PXDNL: variants seen among roughly 807,000 people sequenced by gnomAD.
PXDNL encodes peroxidasin like.
Under a neutral mutation model 150.8 loss-of-function variants are expected in PXDNL, and 145 were observed. The ratio of observed to expected loss-of-function variants is 0.96; its 90% confidence interval spans 0.84 to 1.10. The LOEUF (loss-of-function observed/expected upper bound fraction) is 1.10, where lower values mean the gene tolerates loss of function less well. PXDNL is among the 50% of genes least tolerant of loss of function. PXDNL has a pLI of 0.00. For synonymous variants in PXDNL, 757 were observed against 725.7 expected (o/e 1.04, Z -0.69); for missense variants, 2,087 against 1,873.9 (o/e 1.11, Z -2.10).
intron 2 of PXDNL, among the ~76,000 whole-genome samples, chr8:51,618,445 C>T (rs146014841): frequency 1.8e-3 from 274 of 152,318 alleles, no homozygotes; most frequent in African/African-American, 6.2e-3. Flanking sequence ...TAATAATCCT[C>T]CAGTAAACTT....
chr8:51,524,666 CAATT>C (rs1811731933), intron 4 of PXDNL, among the ~76,000 whole-genome samples: 1 of 151,622 alleles, frequency 6.6e-6, no homozygotes. Flanking sequence ...AAGTACTTCT[CAATT>C]AATTTTTTAC....
chr8:51,517,497 AT>A (rs199522651), intron 4 of PXDNL, among the ~76,000 whole-genome samples: 4,461 of 152,322 alleles, frequency 0.029, 77 homozygotes, highest in Non-Finnish European at 0.04. Context: ...TGTAGACACA[AT>A]TGACTATGTC....
At chr8:51,711,943 A>G (rs970717530) in intron 1 of PXDNL, among the ~76,000 whole-genome samples, 1 of 152,266 alleles carries the variant, frequency 6.6e-6, no homozygotes, top group Non-Finnish European at 1.5e-5. Context: ...TCACTGAGAC[A>G]ACAAGTATTG....
chr8:51,409,908 A>T (rs115619261), intron 16 of PXDNL, among the ~76,000 whole-genome samples: 115 of 152,244 alleles, frequency 7.6e-4, no homozygotes, highest in African/African-American at 2.7e-3. Context: ...TCCTGTAAAC[A>T]ATGGCTAGCT....
chr8:51,659,351 T>C (rs1815220717), intron 1 of PXDNL, among the ~76,000 whole-genome samples: 1 of 152,144 alleles, frequency 6.6e-6, no homozygotes, highest in Admixed American at 6.5e-5. Context: ...TCCTCTACTC[T>C]CCCCAGCACA....
chr8:51,469,891 A>C (rs954228152), intron 8 of PXDNL, among the ~76,000 whole-genome samples: 1 of 152,046 alleles, frequency 6.6e-6, no homozygotes, highest in Admixed American at 6.6e-5. Context: ...AAAATGATTA[A>C]CATTTTGACA....
chr8:51,681,021 G>T (rs1012101393), intron 1 of PXDNL, among the ~76,000 whole-genome samples: 1 of 151,970 alleles, frequency 6.6e-6, no homozygotes, highest in Admixed American at 6.6e-5. Flanking sequence ...GTGGTTTTTC[G>T]TGCAGAAGAG....
At chr8:51,774,001 T>C (rs2037326306) in intron 1 of PXDNL, among the ~76,000 whole-genome samples, 2 of 152,238 alleles carry the variant, frequency 1.3e-5, no homozygotes, top group East Asian at 1.9e-4. Context: ...AGATAGTTAA[T>C]ATGTAGAATA....
intron 14 of PXDNL, among the ~76,000 whole-genome samples, chr8:51,421,113 G>A (rs1808940409): frequency 6.6e-6 from 1 of 152,212 alleles, no homozygotes. Flanking sequence ...TTCTGTGTAT[G>A]TGGAAGAGCA....
intron 1 of PXDNL, among the ~76,000 whole-genome samples, chr8:51,805,535 T>C (rs2037667030): frequency 6.6e-6 from 1 of 150,828 alleles, no homozygotes; most frequent in Non-Finnish European, 1.5e-5. Flanking sequence ...CAAGGTGAAA[T>C]TTTTTATCAG....
intron 17 of PXDNL, among the ~76,000 whole-genome samples, chr8:51,395,513 A>G (rs1808053783): frequency 6.6e-6 from 1 of 152,244 alleles, no homozygotes; most frequent in Admixed American, 6.5e-5. Flanking sequence ...TTAGGGAGTT[A>G]AAGAGATTAG....
chr8:51,411,550 G>T, intron 15 of PXDNL, 143 bp from the exon 16 acceptor site: 1 of 685,136 alleles, frequency 1.5e-6, no homozygotes, highest in Non-Finnish European at 2.2e-6. Context: ...GCTCTACAGA[G>T]GAGCTGTGGG....
At chr8:51,373,419 G>A (rs749208797) in intron 18 of PXDNL, among the ~76,000 whole-genome samples, 24 of 152,042 alleles carry the variant, frequency 1.6e-4, no homozygotes, top group Non-Finnish European at 3.2e-4. Context: ...AATATATATG[G>A]GGAAGACAGC....
At chr8:51,370,043 C>G (rs949422813) in intron 19 of PXDNL, among the ~76,000 whole-genome samples, 6 of 152,156 alleles carry the variant, frequency 3.9e-5, no homozygotes, top group Non-Finnish European at 8.8e-5. Flanking sequence ...TGGCGGTGCG[C>G]ACAGAGGAAA....
At chr8:51,756,570 G>T (rs913572478) in intron 1 of PXDNL, among the ~76,000 whole-genome samples, 1 of 151,550 alleles carries the variant, frequency 6.6e-6, no homozygotes, top group Non-Finnish European at 1.5e-5. Context: ...CATTAGTTTT[G>T]GAATTATTTG....
At chr8:51,693,359 T>C (rs974872893) in intron 1 of PXDNL, among the ~76,000 whole-genome samples, 1 of 152,244 alleles carries the variant, frequency 6.6e-6, no homozygotes, top group African/African-American at 2.4e-5. Flanking sequence ...TCAGTAGCAA[T>C]ACAAGGTATT....
intron 21 of PXDNL, among the ~76,000 whole-genome samples, chr8:51,330,306 CAATAGT>C (rs1805643740): frequency 6.6e-6 from 1 of 151,954 alleles, no homozygotes; most frequent in Admixed American, 6.6e-5. Context: ...GAAGATATGT[CAATAGT>C]AACTTCCCAA....
At chr8:51,701,888 T>A (rs1248516314) in intron 1 of PXDNL, among the ~76,000 whole-genome samples, 1 of 152,196 alleles carries the variant, frequency 6.6e-6, no homozygotes, top group African/African-American at 2.4e-5. Context: ...AGCCAGTGGT[T>A]CTCAGCTCAG....
At chr8:51,462,049 C>T (rs1810096791) in intron 8 of PXDNL, among the ~76,000 whole-genome samples, 1 of 152,134 alleles carries the variant, frequency 6.6e-6, no homozygotes, top group African/African-American at 2.4e-5. Flanking sequence ...CCACACAGGG[C>T]CTTGATATTT....
Sources: gnomAD v4.1 joint callset for allele counts (sites outside exome capture counted in the v4.1 genomes callset) on GRCh38, gnomAD v4.1.1 for gene constraint, MANE v1.5 for transcripts, NCBI Gene and HGNC (gene_info 2026-07-23, HGNC 2026-07-21) for gene names.